The following SBNO2 variants were observed in gnomAD, a reference collection of about 807,000 sequenced individuals.
The protein encoded by SBNO2 is protein strawberry notch homolog 2.
Under a neutral mutation model 146.3 loss-of-function variants are expected in SBNO2, and 89 were observed. That is an observed-to-expected ratio of 0.61 (90% CI 0.51 to 0.73). The LOEUF is 0.73. SBNO2 is among the 30% of genes least tolerant of loss of function. The pLI is 0.00. For missense variants in SBNO2, 2,092 were observed against 2,003.7 expected (o/e 1.04, Z -0.84); for synonymous variants, 1,147 against 892.6 (o/e 1.29, Z -5.08).
chr19:1,153,934 G>A lies in SBNO2; in HGVS notation c.93+250C>T, dbSNP rs535839646. On this transcript the variant is annotated intron_variant, in intron 2 of 31. Coordinates refer to ENST00000361757, the MANE Select transcript of SBNO2 (RefSeq NM_014963.3). The stretch of plus-strand genomic sequence containing the variant: ...CGAAGGAACTGGAAGCTCTGCAGCA[G>A]GGAGAATCTCCTCAAATGTGCTTCT... Among the ~76,000 whole-genome samples, 8 of 152,360 alleles carry A rather than the reference G, an allele frequency of 5.3e-5. No homozygotes were observed. The East Asian group carries it at 1.5e-3, about 29-fold the overall frequency.
Position 1,126,693 on chromosome 19 carries a change from G to A in SBNO2, c.441+911C>T, listed in dbSNP as rs2079969546. Among the ~76,000 whole-genome samples the A allele has an allele frequency of 6.6e-6, 1 of 152,202 alleles. No homozygotes were observed. The highest frequency in any genetic ancestry group is 2.4e-5 in the African/African-American group (1 of 41,452). ...CCGGGAGAGCGGCCTATGGGTGTGA[G>A]CCCACCACTGTGCCGGGAGCGTGCG... On this transcript the variant is annotated intron_variant, in intron 5 of 31. Coordinates refer to ENST00000361757, the MANE Select transcript of SBNO2 (RefSeq NM_014963.3). The surrounding 1 kb of genome is among the most constrained non-coding windows in gnomAD (Gnocchi z 4.4).
In SBNO2 at chr19:1,108,293, G is replaced by GCCGCGCC; in HGVS notation, c.4021_4027dup (p.Ala1343GlyfsTer31). 1 of 1,496,196 alleles carries GCCGCGCC rather than the reference G, an allele frequency of 6.7e-7. No individual in the cohort carries two copies. Among genetic ancestry groups the GCCGCGCC allele is most frequent in the Non-Finnish European group, 8.9e-7 (1 of 1,120,050 alleles). The allele number at this position is 1,496,196 out of a possible 1,614,324, so 92.7% of individuals were successfully genotyped here. A position where few individuals can be genotyped will look rare whatever the true frequency, so the allele number is the denominator to read the frequency against. On this transcript the variant is annotated frameshift_variant, in exon 32 of 32. Transcript: ENST00000361757. LOFTEE classifies it high-confidence loss of function. ...GCTCTGCCGCTCGGGACCACCGCCC[G>GCCGCGCC]CCGCGCCCCCCGCCCCCGCGCCCTC...
rs1196515584 is a variant in SBNO2, at chr19:1,117,346, G to T, written c.1681C>A (p.Arg561=). ...AKVRRLVELA[R]EELARDKCVV... is the part of the protein sequence containing the mutation. ...ACCTTGTCTCGCGCCAGCTCCTCTC[G>T]GGCCAGCTCCACCAGCCGGCGCACC... The change falls in exon 15 of 32, where the codon CGA becomes AGA. Residue 561 remains arginine, a synonymous_variant. Transcript: ENST00000361757. 1 of 1,576,008 alleles carries T rather than the reference G, an allele frequency of 6.3e-7. No individual in the cohort carries two copies. Among genetic ancestry groups the T allele is most frequent in the East Asian group, 2.3e-5 (1 of 42,592 alleles).
intron 1 of SBNO2, among the ~76,000 whole-genome samples, chr19:1,168,467 C>T (rs1017776629): frequency 1.3e-5 from 2 of 152,162 alleles, no homozygotes; most frequent in African/African-American, 2.4e-5. Context: ...ACAGTGATGC[C>T]GCCCTGAGAA....
intron 3 of SBNO2, among the ~76,000 whole-genome samples, chr19:1,148,076 C>T (rs2080211196): frequency 6.6e-6 from 1 of 152,038 alleles, no homozygotes; most frequent in Non-Finnish European, 1.5e-5. Flanking sequence ...GGCCGCCGTC[C>T]CCAGGGCCTC....
chr19:1,134,471 G>A (rs747107402), intron 4 of SBNO2, among the ~76,000 whole-genome samples: 30 of 144,358 alleles, frequency 2.1e-4, no homozygotes, highest in Non-Finnish European at 4.1e-4. Context: ...ATGAAAAGGA[G>A]CAAGGCTCTG....
In SBNO2 at chr19:1,136,694, G is replaced by T. The variant is rs1195596989; in HGVS notation, c.280-8929C>A. 6.6e-6 allele frequency among the ~76,000 whole-genome samples: 1 copy of T among 152,182 alleles called. No individual in the cohort carries two copies. The highest frequency in any genetic ancestry group is 1.9e-4 in the East Asian group (1 of 5,192). On this transcript the variant is annotated intron_variant, in intron 4 of 31. Transcript: ENST00000361757. This position sits in a 1 kb window ranked among gnomAD's most constrained non-coding sequence, Gnocchi z 4.2. Reference sequence around the variant, plus strand: ...TTGCCCAATGCCAGTAACTGTGGGGGCTCCGTGGTGCCGGATGGGCCGAGG... The same window carrying T: ...TTGCCCAATGCCAGTAACTGTGGGGTCTCCGTGGTGCCGGATGGGCCGAGG...
intron 4 of SBNO2, among the ~76,000 whole-genome samples, chr19:1,132,688 C>T (rs553753711): frequency 6.6e-6 from 1 of 152,340 alleles, no homozygotes; most frequent in East Asian, 1.9e-4. Context: ...CCCACCCCAC[C>T]CCTGCAGGCT....
At chr19:1,141,048 C>G (rs191472610) in intron 4 of SBNO2, among the ~76,000 whole-genome samples, 3 of 151,316 alleles carry the variant, frequency 2.0e-5, no homozygotes, top group African/African-American at 7.3e-5. Flanking sequence ...CCGGAGAAGA[C>G]GCACCCCGGA....
chr19:1,109,507 T>G lies in SBNO2; in HGVS notation c.3215A>C (p.Lys1072Thr). ...GGGGGTAACCCCGCCCGACCCCACC[T>G]TGTAGGAGAGGTAGAAGCCGTCATA... Reference protein sequence around the residue: ...GPYDGFYLSYKVRGNKPSCLL... With the variant: ...GPYDGFYLSYTVRGNKPSCLL... The change falls in exon 28 of 32, where the codon AAG becomes ACG. Residue 1072 changes from lysine to threonine, a missense_variant and splice_region_variant. Coordinates refer to ENST00000361757, the MANE Select transcript of SBNO2 (RefSeq NM_014963.3). The surrounding 1 kb of genome is among the most constrained non-coding windows in gnomAD (Gnocchi z 4.2). 2 of 1,595,100 alleles carry G rather than the reference T, an allele frequency of 1.3e-6. No individual in the cohort carries two copies. Among genetic ancestry groups the G allele is most frequent in the Non-Finnish European group, 1.7e-6 (2 of 1,172,278 alleles).
At chr19:1,152,768 T>C (rs1408624826) in intron 2 of SBNO2, among the ~76,000 whole-genome samples, 5 of 151,998 alleles carry the variant, frequency 3.3e-5, no homozygotes, top group Admixed American at 3.3e-4. Context: ...CCAACCTGGG[T>C]GTTGGGCTAG....
At chr19:1,115,926 C>A in intron 17 of SBNO2, 95 bp downstream of exon 17, 1 of 752,080 alleles carries the variant, frequency 1.3e-6, no homozygotes, top group Non-Finnish European at 1.9e-6. Context: ...GCTGAGTGGA[C>A]GGGGGAGTGG....
rs1406143089 is a variant in SBNO2, at chr19:1,136,686, CTG to C, written c.280-8923_280-8922del. ...CCTCTTTTTTGCCCAATGCCAGTAA[CTG>C]TGGGGGCTCCGTGGTGCCGGATGGG... On this transcript the variant is annotated intron_variant, in intron 4 of 31. Coordinates refer to ENST00000361757, the MANE Select transcript of SBNO2 (RefSeq NM_014963.3). The surrounding 1 kb of genome is among the most constrained non-coding windows in gnomAD (Gnocchi z 4.2). Among the ~76,000 whole-genome samples the C allele has an allele frequency of 6.6e-6, 1 of 152,218 alleles. No homozygotes were observed. Among genetic ancestry groups the C allele is most frequent in the African/African-American group, 2.4e-5 (1 of 41,468 alleles).
Position 1,113,669 on chromosome 19 carries a change from G to A in SBNO2, c.2113C>T (p.Pro705Ser). The A allele has an allele frequency of 6.3e-7, 1 of 1,594,334 alleles. No individual in the cohort carries two copies. Among genetic ancestry groups the A allele is most frequent in the Non-Finnish European group, 8.5e-7 (1 of 1,171,550 alleles). ...LCLLQRDPHG[P>S]GVLERVERLK... ...CGCTCCACCCGCTCCAGGACCCCGG[G>A]GCCATGCGGGTCTCTCTGCAGGAGG... Residue 705 changes from proline (P) to serine (S), a missense_variant, in exon 19 of 32, where the codon CCC becomes TCC. Coordinates refer to ENST00000361757, the MANE Select transcript of SBNO2 (RefSeq NM_014963.3).
Position 1,119,121 on chromosome 19 carries a change from T to C in SBNO2, c.1417A>G (p.Ser473Gly), listed in dbSNP as rs1404037448. ...MEIVAMDMKV[S>G]GMYIARQLSF... The stretch of plus-strand genomic sequence containing the variant: ...AGCTGGCGTGCGATGTACATGCCGC[T>C]GACCTTCATGTCCATGGCCACGATC... Residue 473 changes from serine (S) to glycine (G), a missense_variant, in exon 14 of 32, where the codon AGC (serine) becomes GGC (glycine). Physicochemically the swap from Ser to Gly is moderately conservative, Grantham distance 56. Coordinates refer to ENST00000361757, the MANE Select transcript of SBNO2 (RefSeq NM_014963.3). The C allele has an allele frequency of 3.1e-6, 5 of 1,604,540 alleles. No individual in the cohort carries two copies. The highest frequency in any genetic ancestry group is 1.7e-4 in the Middle Eastern group (1 of 6,058).
intron 4 of SBNO2, chr19:1,132,295 C>A: frequency 3.1e-6 from 4 of 1,310,058 alleles, no homozygotes; most frequent in Admixed American, 4.0e-5. Context: ...CCGCCGCCGG[C>A]GCCTACTTCC....
chr19:1,151,424 C>T (rs553500661), intron 2 of SBNO2, among the ~76,000 whole-genome samples: 1 of 152,304 alleles, frequency 6.6e-6, no homozygotes, highest in East Asian at 1.9e-4. Context: ...TGCCTCTATC[C>T]CCCTAGTCTC....
At chr19:1,166,017 C>A (rs796981730) in intron 1 of SBNO2, among the ~76,000 whole-genome samples, 1 of 43,722 alleles carries the variant, frequency 2.3e-5, no homozygotes. Context: ...AGATCCCAGA[C>A]CTCAGACCCC....
intron 4 of SBNO2, among the ~76,000 whole-genome samples, chr19:1,141,743 G>A (rs1427017868): frequency 6.6e-6 from 1 of 151,974 alleles, no homozygotes. Context: ...AAATAGATGG[G>A]ACCCAAATAC....
Sources: gnomAD v4.1 joint callset for allele counts (sites outside exome capture counted in the v4.1 genomes callset) on GRCh38, gnomAD v4.1.1 for gene constraint, Gnocchi (gnomAD v3.1) non-coding constraint, MANE v1.5 for transcripts, NCBI Gene and HGNC (gene_info 2026-07-23, HGNC 2026-07-21) for gene names.